The following BAZ2B variants were observed in gnomAD, a reference collection of about 807,000 sequenced individuals.
BAZ2B encodes bromodomain adjacent to zinc finger domain protein 2B.
Under a neutral mutation model 246.0 loss-of-function variants are expected in BAZ2B, and 91 were observed. That is an observed-to-expected ratio of 0.37 (90% CI 0.31 to 0.44). The LOEUF (loss-of-function observed/expected upper bound fraction) is 0.44, where lower values mean the gene tolerates loss of function less well. Ranked by LOEUF, BAZ2B falls within the 20% of genes least tolerant of loss-of-function variation. The probability of loss-of-function intolerance (pLI) is 1.00; values close to 1 mark genes in which losing one functional copy is unlikely to be tolerated. For synonymous variants in BAZ2B, 855 were observed against 860.0 expected (o/e 0.99, Z 0.10); for missense variants, 2,332 against 2,533.7 (o/e 0.92, Z 1.71).
intron 1 of BAZ2B, among the ~76,000 whole-genome samples, chr2:159,613,027 G>T (rs1437331171): frequency 6.6e-6 from 1 of 151,382 alleles, no homozygotes; most frequent in East Asian, 1.9e-4. Context: ...CCAATTTTTT[G>T]AAAATGCTAA....
intron 1 of BAZ2B, among the ~76,000 whole-genome samples, chr2:159,606,636 ATCC>A (rs1693560494): frequency 1.3e-5 from 2 of 152,204 alleles, no homozygotes; most frequent in Non-Finnish European, 2.9e-5. Flanking sequence ...CTCAAAACTT[ATCC>A]TTGTACAAGA....
chr2:159,620,310 C>T (rs867976119), upstream of BAZ2B, among the ~76,000 whole-genome samples: 23 of 152,322 alleles, frequency 1.5e-4, no homozygotes, highest in South Asian at 6.2e-4. Context: ...TCAATCATTA[C>T]AGCCTAATGA....
rs1288122524 is a variant in BAZ2B at position 159,478,739 on chromosome 2, G to A, written c.-2-18C>T. The A allele has an allele frequency of 2.7e-6, 4 of 1,457,020 alleles. No homozygotes were observed. Among genetic ancestry groups the A allele is most frequent in the South Asian group, 1.6e-5 (1 of 61,656 alleles). The allele number at this position is 1,457,020 out of a possible 1,614,324, so 90.3% of individuals were successfully genotyped here. A position where few individuals can be genotyped will look rare whatever the true frequency, so the allele number is the denominator to read the frequency against. The stretch of plus-strand genomic sequence containing the variant: ...CTCCATATCTATGAGAAGGGAAAAT[G>A]TTAATTCTCAGTATCAGATAAAAAA... On this transcript the variant is annotated intron_variant, in intron 2 of 36. Transcript: ENST00000392783.
At chr2:159,679,306 TG>T in the BAZ2B span, among the ~76,000 whole-genome samples, 5 of 149,056 alleles carry the variant, frequency 3.4e-5, no homozygotes, top group Non-Finnish European at 7.4e-5. Flanking sequence ...ATGTTGAATG[TG>T]GGTTCATTCC....
intron 2 of BAZ2B, among the ~76,000 whole-genome samples, chr2:159,512,573 C>T (rs1199875582): frequency 6.6e-6 from 1 of 152,134 alleles, no homozygotes; most frequent in Non-Finnish European, 1.5e-5. Flanking sequence ...GATTAAAACT[C>T]ATTCTTCATT....
At chr2:159,450,644 A>G (rs1577171202) in intron 4 of BAZ2B, among the ~76,000 whole-genome samples, 1 of 152,242 alleles carries the variant, frequency 6.6e-6, no homozygotes, top group Non-Finnish European at 1.5e-5. Context: ...GCTTGTTGAC[A>G]AAATGAAAAA....
rs925517988 is a variant in BAZ2B, at chr2:159,382,899, G to A, written c.3762-97C>T. The A allele has an allele frequency of 5.4e-5, 78 of 1,454,390 alleles. No homozygotes were observed. In the Middle Eastern group the frequency reaches 7.6e-4, roughly 14 times the overall value. The allele number at this position is 1,454,390 out of a possible 1,614,324, so 90.1% of individuals were successfully genotyped here. A position where few individuals can be genotyped will look rare whatever the true frequency, so the allele number is the denominator to read the frequency against. On this transcript the variant is annotated intron_variant, in intron 24 of 36. Transcript: ENST00000392783. The stretch of plus-strand genomic sequence containing the variant: ...GAGTTGTATGCAAAAATACCTTATG[G>A]CATTTCTTTTGTGTTAAGCGATATA...
At chr2:159,471,887 T>A (rs1443977296) in intron 3 of BAZ2B, among the ~76,000 whole-genome samples, 1 of 152,096 alleles carries the variant, frequency 6.6e-6, no homozygotes, top group African/African-American at 2.4e-5. Context: ...TTGTAATAAA[T>A]ATACATAAGC....
Position 159,612,432 on chromosome 2 carries a change from T to C in BAZ2B, c.-46+3810A>G, listed in dbSNP as rs889339258. Among the ~76,000 whole-genome samples the C allele has an allele frequency of 4.6e-5, 7 of 152,266 alleles. No individual in the cohort carries two copies. The East Asian group carries it at 1.3e-3, about 29-fold the overall frequency. On this transcript the variant is annotated intron_variant, in intron 1 of 36. Transcript: ENST00000392783. ...TAATAATCACTAAAACTTGATGACG[T>C]AATTCCTCTTAAGGGTCAAAATCAC...
intron 27 of BAZ2B, among the ~76,000 whole-genome samples, chr2:159,368,080 A>G (rs1398349707): frequency 1.3e-5 from 2 of 152,154 alleles, no homozygotes; most frequent in African/African-American, 2.4e-5. Context: ...TACGTGCTGT[A>G]TCTTTCCAAT....
chr2:159,374,685 G>C lies in BAZ2B; in HGVS notation c.4068+6C>G. The C allele has an allele frequency of 1.9e-6, 3 of 1,608,242 alleles. No homozygotes were observed. Among genetic ancestry groups the C allele is most frequent in the Non-Finnish European group, 2.6e-6 (3 of 1,175,194 alleles). On this transcript the variant is annotated splice_donor_region_variant and intron_variant, in intron 26 of 36. Coordinates refer to ENST00000392783, the MANE Select transcript of BAZ2B (RefSeq NM_013450.4). The stretch of plus-strand genomic sequence containing the variant: ...GAAGTTAAATGTTAATCAGAAAAGT[G>C]CTTACTTTACTCAGTTTTTCAATCT...
chr2:159,623,354 C>G, the BAZ2B span, among the ~76,000 whole-genome samples: 1 of 151,736 alleles, frequency 6.6e-6, no homozygotes, highest in Non-Finnish European at 1.5e-5. Flanking sequence ...GGGCAATATG[C>G]AAGACCCTGT....
intron 4 of BAZ2B, among the ~76,000 whole-genome samples, chr2:159,451,730 C>G (rs1335130023): frequency 1.3e-5 from 2 of 152,040 alleles, no homozygotes; most frequent in African/African-American, 2.4e-5. Flanking sequence ...TAAGTGAATA[C>G]TTTATTTTGG....
chr2:159,572,284 A>G (rs1290524860), intron 1 of BAZ2B, among the ~76,000 whole-genome samples: 3 of 152,200 alleles, frequency 2.0e-5, no homozygotes, highest in Admixed American at 2.0e-4. Context: ...CTAGCAAATA[A>G]CTGAAACTGA....
the BAZ2B span, among the ~76,000 whole-genome samples, chr2:159,674,752 T>C: frequency 6.7e-6 from 1 of 149,830 alleles, no homozygotes; most frequent in Admixed American, 6.6e-5. Context: ...AAACCTAAAG[T>C]TGAATACCTG....
Position 159,574,138 on chromosome 2 carries a change from C to CAT in BAZ2B, c.-45-18274_-45-18273insAT, listed in dbSNP as rs1257949214. On this transcript the variant is annotated intron_variant, in intron 1 of 36. Coordinates refer to ENST00000392783, the MANE Select transcript of BAZ2B (RefSeq NM_013450.4). ...ACTGACAGACACACACACACACACA[C>CAT]ACATACACACACACACACACACACA... Among the ~76,000 whole-genome samples the CAT allele has an allele frequency of 2.0e-4, 22 of 111,656 alleles. No homozygotes were observed. In the South Asian group the frequency reaches 3.2e-3, roughly 16 times the overall value. 73.3% of individuals were successfully genotyped at this position (111,656 alleles called of 152,430 possible). A position where few individuals can be genotyped will look rare whatever the true frequency, so the allele number is the denominator to read the frequency against.
At chr2:159,607,640 C>T (rs1234697933) in intron 1 of BAZ2B, among the ~76,000 whole-genome samples, 1 of 152,146 alleles carries the variant, frequency 6.6e-6, no homozygotes, top group African/African-American at 2.4e-5. Flanking sequence ...AAAGGCAGAA[C>T]CATCCCAGAT....
the BAZ2B span, among the ~76,000 whole-genome samples, chr2:159,680,245 C>T: frequency 0.03 from 4,538 of 152,184 alleles, 241 homozygotes; most frequent in African/African-American, 0.1. Flanking sequence ...AAGATTACAA[C>T]CTGTTAAGAA....
the BAZ2B span, among the ~76,000 whole-genome samples, chr2:159,666,257 CTTTTT>C: frequency 7.4e-5 from 7 of 94,208 alleles, no homozygotes; most frequent in Admixed American, 1.1e-4. Context: ...TTTTATGATT[CTTTTT>C]TTTTTTTTTT....
Sources: allele counts gnomAD v4.1 joint callset (sites outside exome capture counted in the v4.1 genomes callset), GRCh38; gene constraint gnomAD v4.1.1; transcripts MANE v1.5; gene names NCBI Gene and HGNC (gene_info 2026-07-23, HGNC 2026-07-21).